Variants in ZNF71 observed in about 807,000 individuals in gnomAD.
The protein encoded by ZNF71 is zinc finger protein 71, also known as endothelial zinc finger protein induced by tumor necrosis factor alpha.
In ZNF71, 3 loss-of-function variants were observed where a neutral mutation model predicts 6.7. The ratio of observed to expected loss-of-function variants is 0.45; its 90% CI spans 0.20 to 1.16. ZNF71 has a LOEUF of 1.16. Among genes scored for constraint, ZNF71 ranks in the 50% most tolerant of loss-of-function variants. The pLI, the probability that ZNF71 is intolerant of heterozygous loss-of-function variation, is 0.25. For missense variants in ZNF71, 688 were observed against 728.6 expected (o/e 0.94, Z 0.64); for synonymous variants, 343 against 311.1 (o/e 1.10, Z -1.08).
rs1004550956 is a variant in ZNF71, at chr19:56,613,685, A to T, written c.34-127A>T. On this transcript the variant is annotated intron_variant, in intron 2 of 3. Transcript: ENST00000599599. This position sits in a 1 kb window ranked among gnomAD's most constrained non-coding sequence, Gnocchi z 4.6. ...GTGAGTGATCCCTTTAGAACTCTGC[A>T]TCTTATTGAAATCACTTCAGCTACA... is the stretch of plus-strand genomic sequence containing the variant. The T allele has an allele frequency of 2.6e-6, 2 of 766,178 alleles. No homozygotes were observed. The highest frequency in any genetic ancestry group is 3.8e-5 in the African/African-American group (2 of 53,038). 47.5% of individuals were successfully genotyped at this position (766,178 alleles called of 1,614,324 possible).
intron 3 of ZNF71, among the ~76,000 whole-genome samples, chr19:56,615,732 G>C (rs1353970139): frequency 6.6e-6 from 1 of 151,974 alleles, no homozygotes; most frequent in African/African-American, 2.4e-5. Context: ...CTCCCATTCT[G>C]TGGATTGTGT....
intron 3 of ZNF71, among the ~76,000 whole-genome samples, chr19:56,614,982 T>C (rs1168207164): frequency 2.0e-5 from 3 of 152,154 alleles, no homozygotes; most frequent in Non-Finnish European, 4.4e-5. Flanking sequence ...AATCATACAG[T>C]ATGTACCCTT....
intron 3 of ZNF71, among the ~76,000 whole-genome samples, chr19:56,619,764 G>A (rs1244500752): frequency 6.6e-6 from 1 of 152,172 alleles, no homozygotes; most frequent in East Asian, 1.9e-4. Context: ...GACAGCTGCT[G>A]CCCCATGCAA....
intron 3 of ZNF71, among the ~76,000 whole-genome samples, chr19:56,617,153 C>G (rs2044802098): frequency 7.2e-6 from 1 of 139,850 alleles, no homozygotes; most frequent in South Asian, 2.2e-4. Flanking sequence ...CTCTGTTGCC[C>G]AAGCTGGAGT....
In ZNF71 at chr19:56,616,329, A is replaced by T. The variant is rs1344547703; in HGVS notation, c.160+2391A>T. Among the ~76,000 whole-genome samples the T allele has an allele frequency of 2.0e-5, 3 of 152,330 alleles. No homozygotes were observed. In the East Asian group the frequency reaches 5.8e-4, roughly 29 times the overall value. ...CAATCGCCTTTGCATTTTTATCAAA[A>T]ATCACTTGTCCATACAAGTGTGGGT... On this transcript the variant is annotated intron_variant, in intron 3 of 3. Transcript: ENST00000599599.
Position 56,622,682 on chromosome 19 carries a change from C to A in ZNF71, c.1575C>A (p.Pro525=). The A allele has an allele frequency of 6.2e-7, 1 of 1,614,020 alleles. No individual in the cohort carries two copies. Among genetic ancestry groups the A allele is most frequent in the Non-Finnish European group, 8.5e-7 (1 of 1,179,906 alleles). ...VHQRIHTGEK[P]YRCGECGKTF... is the part of the protein sequence containing the mutation. ...AGCGGATCCACACGGGCGAGAAGCC[C>A]TACCGATGCGGCGAGTGCGGGAAGA... Residue 525 remains proline (P), a synonymous_variant, in exon 4 of 4, where the codon CCC becomes CCA. Transcript: ENST00000599599.
rs965693255 is a variant in ZNF71 at position 56,601,535 on chromosome 19, C to T, written c.-24C>T. ...TGTTGGTCACCGCAGGCCTGTCTTC[C>T]TATTCACCGTGGGCAGCAGAGGGAT... is the stretch of plus-strand genomic sequence containing the variant. On this transcript the variant is annotated 5_prime_UTR_variant, in exon 2 of 4. Coordinates refer to ENST00000599599, the MANE Select transcript of ZNF71 (RefSeq NM_001370215.1). 2.0e-6 allele frequency: 2 copies of T among 985,758 alleles called. No homozygotes were observed. The highest frequency in any genetic ancestry group is 3.5e-5 in the African/African-American group (2 of 57,188). The allele number at this position is 985,758 out of a possible 1,614,324, so 61.1% of individuals were successfully genotyped here. A position where few individuals can be genotyped will look rare whatever the true frequency, so the allele number is the denominator to read the frequency against.
At chr19:56,614,728 A>G (rs2044777407) in intron 3 of ZNF71, among the ~76,000 whole-genome samples, 1 of 152,206 alleles carries the variant, frequency 6.6e-6, no homozygotes, top group African/African-American at 2.4e-5. Context: ...TTCTGGAGGT[A>G]TTATTGACCT....
At chr19:56,602,330 A>G (rs2044677175) in intron 2 of ZNF71, among the ~76,000 whole-genome samples, 1 of 152,186 alleles carries the variant, frequency 6.6e-6, no homozygotes, top group Admixed American at 6.5e-5. Flanking sequence ...GATTCCTTGA[A>G]GAGGAAGATT....
In ZNF71 at chr19:56,598,633, TGCATCGTACAGTGTGTAGCA is replaced by T. The variant is rs2044643949; in HGVS notation, c.-52-2868_-52-2849del. On this transcript the variant is annotated intron_variant, in intron 1 of 3. Coordinates refer to ENST00000599599, the MANE Select transcript of ZNF71 (RefSeq NM_001370215.1). The surrounding 1 kb of genome is among the most constrained non-coding windows in gnomAD (Gnocchi z 4.2). The stretch of plus-strand genomic sequence containing the variant: ...ATTCTTTGTTGTGGGGCCTGTCGCG[TGCATCGTACAGTGTGTAGCA>T]GCATCCCCAGTCTCTACCAACTAAA... Among the ~76,000 whole-genome samples, 1 of 152,292 alleles carries T rather than the reference TGCATCGTACAGTGTGTAGCA, an allele frequency of 6.6e-6. No individual in the cohort carries two copies. Among genetic ancestry groups the T allele is most frequent in the East Asian group, 1.9e-4 (1 of 5,174 alleles).
At chr19:56,619,109 GTC>G (rs2044821818) in intron 3 of ZNF71, among the ~76,000 whole-genome samples, 1 of 152,176 alleles carries the variant, frequency 6.6e-6, no homozygotes, top group Non-Finnish European at 1.5e-5. Flanking sequence ...TGTCTGCTAA[GTC>G]TCTCTAAAAC....
At chr19:56,606,476 C>G (rs770133049) in intron 2 of ZNF71, among the ~76,000 whole-genome samples, 13 of 152,154 alleles carry the variant, frequency 8.5e-5, no homozygotes, top group Non-Finnish European at 1.9e-4. Flanking sequence ...TAGTAACCAT[C>G]TCAGAACTTA....
rs1194332674 is a variant in ZNF71, at chr19:56,613,681, C to T, written c.34-131C>T. 8.1e-6 allele frequency: 6 copies of T among 740,404 alleles called. No individual in the cohort carries two copies. In the African/African-American group the frequency reaches 9.5e-5, roughly 12 times the overall value. The allele number at this position is 740,404 out of a possible 1,614,324, so 45.9% of individuals were successfully genotyped here. ...AACTGTGAGTGATCCCTTTAGAACT[C>T]TGCATCTTATTGAAATCACTTCAGC... On this transcript the variant is annotated intron_variant, in intron 2 of 3. Transcript: ENST00000599599. This position sits in a 1 kb window ranked among gnomAD's most constrained non-coding sequence, Gnocchi z 4.6.
Position 56,619,965 on chromosome 19 carries a change from G to A in ZNF71, c.161-1303G>A, listed in dbSNP as rs543004133. 4.6e-5 allele frequency among the ~76,000 whole-genome samples: 7 copies of A among 152,292 alleles called. No individual in the cohort carries two copies. In the East Asian group the frequency reaches 9.6e-4, roughly 21 times the overall value. On this transcript the variant is annotated intron_variant, in intron 3 of 3. Transcript: ENST00000599599. The stretch of plus-strand genomic sequence containing the variant: ...ACACGTGGAAGGTGATTGAAGCTGT[G>A]GGCACAGAGGTATTTAGCCAGGGAG...
At position 56,621,429 on chromosome 19, in the gene ZNF71, C is replaced by T. The variant is rs902145509; in HGVS notation, c.322C>T (p.Pro108Ser). 9 of 1,613,636 alleles carry T rather than the reference C, an allele frequency of 5.6e-6. No homozygotes were observed. Among genetic ancestry groups the T allele is most frequent in the East Asian group, 4.5e-5 (2 of 44,864 alleles). ...VWEPGSWPER[P>S]RGDAGAEWEP... ...GGAACCAGGCAGCTGGCCAGAGAGG[C>T]CGCGGGGAGATGCAGGTGCAGAGTG... The change falls in exon 4 of 4, where the codon CCG (proline) becomes TCG (serine). Residue 108 changes from proline to serine, a missense_variant. Physicochemically the swap from Pro to Ser is moderately conservative, Grantham distance 74. Transcript: ENST00000599599.
intron 3 of ZNF71, among the ~76,000 whole-genome samples, chr19:56,616,620 A>G (rs2044793580): frequency 1.3e-5 from 2 of 152,140 alleles, no homozygotes; most frequent in Non-Finnish European, 2.9e-5. Context: ...TGTGTTGGGT[A>G]GTTTCCTGAC....
At chr19:56,605,583 ATATAACT>A (rs1255721121) in intron 2 of ZNF71, among the ~76,000 whole-genome samples, 3 of 152,216 alleles carry the variant, frequency 2.0e-5, no homozygotes, top group African/African-American at 7.2e-5. Context: ...ACCCAGCAAA[ATATAACT>A]GGATCAGAAA....
At chr19:56,605,185 A>T (rs1428908971) in intron 2 of ZNF71, among the ~76,000 whole-genome samples, 2 of 152,188 alleles carry the variant, frequency 1.3e-5, no homozygotes, top group Non-Finnish European at 2.9e-5. Context: ...GCCCAGGTAC[A>T]TCTCATATGC....
chr19:56,598,399 T>C lies in ZNF71; in HGVS notation c.-53+2971T>C, dbSNP rs1427100563. On this transcript the variant is annotated intron_variant, in intron 1 of 3. Coordinates refer to ENST00000599599, the MANE Select transcript of ZNF71 (RefSeq NM_001370215.1). The surrounding 1 kb of genome is among the most constrained non-coding windows in gnomAD (Gnocchi z 4.2). Reference sequence around the variant, plus strand: ...GCTATGTGGGCAGCAGTGAAGACTTTGAGTGATTTCTAATGGTGGGGGAAG... The same window carrying C: ...GCTATGTGGGCAGCAGTGAAGACTTCGAGTGATTTCTAATGGTGGGGGAAG... Among the ~76,000 whole-genome samples the C allele has an allele frequency of 6.6e-6, 1 of 152,062 alleles. No homozygotes were observed. Among genetic ancestry groups the C allele is most frequent in the Non-Finnish European group, 1.5e-5 (1 of 68,008 alleles).
Sources: gnomAD v4.1 joint callset for allele counts (sites outside exome capture counted in the v4.1 genomes callset) on GRCh38, gnomAD v4.1.1 for gene constraint, Gnocchi (gnomAD v3.1) non-coding constraint, MANE v1.5 for transcripts, NCBI Gene and HGNC (gene_info 2026-07-23, HGNC 2026-07-21) for gene names.